Variants in UBE3A observed in about 807,000 individuals in gnomAD.
The protein encoded by UBE3A is ubiquitin protein ligase E3A, also known as ubiquitin-protein ligase E3A.
UBE3A carries 6 observed loss-of-function variants against 83.4 expected under a neutral mutation model. That is an observed-to-expected ratio of 0.07 (90% CI 0.04 to 0.14). The LOEUF is 0.14. Among genes scored for constraint, UBE3A ranks in the 10% least tolerant of loss-of-function variants. UBE3A has a pLI of 1.00. For synonymous variants in UBE3A, 337 were observed against 355.4 expected, an observed-to-expected ratio of 0.95 and a Z score of 0.58; for missense variants, 456 against 1,036.1, an observed-to-expected ratio of 0.44 and a Z score of 7.69.
chr15:25,419,516 A>G (rs1267815367), intron 1 of UBE3A: 3 of 152,126 alleles, frequency 2.0e-5, no homozygotes, highest in African/African-American at 7.2e-5. Context: ...AATGTTTAAG[A>G]AATTTTTTCA....
In UBE3A at chr15:25,334,967, T is replaced by C. The variant is rs1300750554; in HGVS notation, c.*4170A>G. 1.3e-5 allele frequency: 2 copies of C among 151,284 alleles called. No homozygotes were observed. The highest frequency in any genetic ancestry group is 2.4e-5 in the African/African-American group (1 of 41,026). 9.4% of individuals were successfully genotyped at this position (151,284 alleles called of 1,614,324 possible). A position where few individuals can be genotyped will look rare whatever the true frequency, so the allele number is the denominator to read the frequency against. On this transcript the variant is annotated 3_prime_UTR_variant, in exon 13 of 13. Coordinates refer to ENST00000648336, the MANE Select transcript of UBE3A (RefSeq NM_130839.5). ...CAAGATAACAGAAAGATGGAGGTAA[T>C]AACATGTGAAAGGCAAAATGGTTTG...
At position 25,354,677 on chromosome 15, in the gene UBE3A, C is replaced by T. The variant is rs587784524; in HGVS notation, c.2131G>A (p.Val711Ile). Reference sequence around the variant, plus strand: ...AGAATGTAGTCAGAATAAAGATTGACAAATTCCTGTAGAAAACATTAATCA... The same window carrying T: ...AGAATGTAGTCAGAATAAAGATTGATAAATTCCTGTAGAAAACATTAATCA... ...PITNENRKEF[V>I]NLYSDYILNK... The change falls in exon 10 of 13, where the codon GTC becomes ATC. Residue 711 changes from valine to isoleucine, a missense_variant. This residue lies in a region of UBE3A where 82 missense variants were observed against 199.3 expected (regional missense o/e 0.41). Coordinates refer to ENST00000648336, the MANE Select transcript of UBE3A (RefSeq NM_130839.5). The T allele has an allele frequency of 2.5e-6, 4 of 1,612,222 alleles. No individual in the cohort carries two copies. Among genetic ancestry groups the T allele is most frequent in the Non-Finnish European group, 2.5e-6 (3 of 1,179,380 alleles).
At chr15:25,412,097 G>A (rs987586127) in intron 1 of UBE3A, 126 bp from the exon 2 acceptor site, 4 of 152,056 alleles carry the variant, frequency 2.6e-5, no homozygotes, top group African/African-American at 9.7e-5. Flanking sequence ...ATCCAAAAAC[G>A]TATCAAGAAA....
chr15:25,350,244 C>T (rs931900161), intron 11 of UBE3A, among the ~76,000 whole-genome samples: 2 of 151,568 alleles, frequency 1.3e-5, no homozygotes, highest in Non-Finnish European at 2.9e-5. Context: ...CAGTTTATAA[C>T]AATCTGTAGT....
chr15:25,398,944 C>T (rs1249420306), intron 4 of UBE3A, among the ~76,000 whole-genome samples: 1 of 150,888 alleles, frequency 6.6e-6, no homozygotes, highest in Non-Finnish European at 1.5e-5. Flanking sequence ...CGCAATATAT[C>T]TCTTGTCTGC....
At chr15:25,407,025 C>T (rs2088774360) in intron 3 of UBE3A, 2 of 1,304,570 alleles carry the variant, frequency 1.5e-6, no homozygotes, top group East Asian at 5.2e-5. Context: ...TTTCACTCCA[C>T]CCTCTCCCCC....
At chr15:25,409,780 G>A (rs1223571802) in intron 2 of UBE3A, among the ~76,000 whole-genome samples, 2 of 152,176 alleles carry the variant, frequency 1.3e-5, no homozygotes, top group Non-Finnish European at 2.9e-5. Flanking sequence ...AGCTGATAGA[G>A]CAATCAGTCA....
At chr15:25,340,273 A>G (rs892610826) in intron 11 of UBE3A, 45 bp from the exon 12 acceptor site, 3 of 1,591,686 alleles carry the variant, frequency 1.9e-6, no homozygotes, top group East Asian at 2.2e-5. Context: ...GGCATTCATT[A>G]TGACTGGTAC....
At position 25,409,081 on chromosome 15, in the gene UBE3A, A is replaced by G. The variant is rs771812460; in HGVS notation, c.20+7T>C. On this transcript the variant is annotated splice_region_variant and intron_variant, in intron 3 of 12. Coordinates refer to ENST00000648336, the MANE Select transcript of UBE3A (RefSeq NM_130839.5). ...CTTTTAAAGGCTGTAAAATAATTCA[A>G]AATTACCTTTTACAAGCTGTGGCCA... The G allele has an allele frequency of 3.7e-5, 59 of 1,587,024 alleles. No individual in the cohort carries two copies. The highest frequency in any genetic ancestry group is 6.7e-5 in the East Asian group (3 of 44,530).
chr15:25,422,180 T>G (rs1165665119), intron 1 of UBE3A, among the ~76,000 whole-genome samples: 1 of 152,116 alleles, frequency 6.6e-6, no homozygotes, highest in African/African-American at 2.4e-5. Flanking sequence ...AAACCAGGCA[T>G]GGAAGAGTAC....
At chr15:25,400,879 G>T (rs1199690554) in intron 4 of UBE3A, among the ~76,000 whole-genome samples, 1 of 152,158 alleles carries the variant, frequency 6.6e-6, no homozygotes, top group African/African-American at 2.4e-5. Flanking sequence ...TTTTCTTCCT[G>T]ATCTCAAAAG....
intron 8 of UBE3A, among the ~76,000 whole-genome samples, chr15:25,356,286 T>A (rs555780556): frequency 6.6e-6 from 1 of 150,828 alleles, no homozygotes; most frequent in Non-Finnish European, 1.5e-5. Context: ...AATTTAGCAA[T>A]AGAATTCACA....
At chr15:25,341,133 G>A (rs557584687) in intron 11 of UBE3A, among the ~76,000 whole-genome samples, 35 of 151,680 alleles carry the variant, frequency 2.3e-4, no homozygotes, top group African/African-American at 6.8e-4. Context: ...GCAGTGGCGC[G>A]ATCTCGGCTC....
chr15:25,433,399 G>A (rs1442834968), intron 1 of UBE3A, among the ~76,000 whole-genome samples: 1 of 152,016 alleles, frequency 6.6e-6, no homozygotes, highest in African/African-American at 2.4e-5. Context: ...TGTTGGCCAG[G>A]ATGGTCTCGA....
At chr15:25,360,153 TTTCC>T (rs1225229039) in intron 7 of UBE3A, among the ~76,000 whole-genome samples, 11 of 152,188 alleles carry the variant, frequency 7.2e-5, no homozygotes, top group Admixed American at 2.0e-4. Flanking sequence ...AAAGAGATAA[TTTCC>T]TTCATTAGAA....
Position 25,335,974 on chromosome 15 carries a change from G to C in UBE3A, c.*3163C>G, listed in dbSNP as rs1337556824. 2 of 152,182 alleles carry C rather than the reference G, an allele frequency of 1.3e-5. No homozygotes were observed. The highest frequency in any genetic ancestry group is 2.9e-5 in the Non-Finnish European group (2 of 68,054). 9.4% of individuals were successfully genotyped at this position (152,182 alleles called of 1,614,324 possible). A position where few individuals can be genotyped will look rare whatever the true frequency, so the allele number is the denominator to read the frequency against. On this transcript the variant is annotated 3_prime_UTR_variant, in exon 13 of 13. Coordinates refer to ENST00000648336, the MANE Select transcript of UBE3A (RefSeq NM_130839.5). ...TGAGGAGATTATAAGGATCCTTGAA[G>C]ACTGTACTTTCGGTGAAACTACCAT...
intron 1 of UBE3A, among the ~76,000 whole-genome samples, chr15:25,429,048 G>A (rs1031536163): frequency 9.2e-5 from 14 of 152,010 alleles, no homozygotes; most frequent in Admixed American, 2.6e-4. Context: ...ACATGTACAC[G>A]CATCAACATA....
intron 4 of UBE3A, among the ~76,000 whole-genome samples, chr15:25,402,459 G>A (rs913554960): frequency 4.6e-5 from 7 of 152,192 alleles, no homozygotes; most frequent in African/African-American, 1.7e-4. Flanking sequence ...GTGATGTGAG[G>A]CCACAGGGGC....
intron 6 of UBE3A, among the ~76,000 whole-genome samples, chr15:25,367,258 T>TAAATATGTAAATATTTGCATATTTAC (rs2079421859): frequency 1.4e-5 from 1 of 73,576 alleles, no homozygotes; most frequent in East Asian, 5.6e-4. Context: ...TGCATATTTG[T>TAAATATGTAAATATTTGCATATTTAC]AAATATGTAA....
Sources: gnomAD v4.1 joint callset for allele counts (sites outside exome capture counted in the v4.1 genomes callset) on GRCh38, gnomAD v4.1.1 for gene constraint, gnomAD v4.1.1 regional missense constraint, MANE v1.5 for transcripts, NCBI Gene and HGNC (gene_info 2026-07-23, HGNC 2026-07-21) for gene names.